The following SFMBT2 variants were observed in gnomAD, a reference collection of about 807,000 sequenced individuals.
SFMBT2 encodes the protein scm-like with four MBT domains protein 2.
SFMBT2 carries 38 observed loss-of-function variants against 110.1 expected under a neutral mutation model. That is an observed-to-expected ratio of 0.35 (90% CI 0.27 to 0.45). The LOEUF (loss-of-function observed/expected upper bound fraction) is 0.45. Among genes scored for constraint, SFMBT2 ranks in the 20% least tolerant of loss-of-function variants. SFMBT2 has a pLI of 1.00. For missense variants in SFMBT2, 1,011 were observed against 1,094.9 expected, an observed-to-expected ratio of 0.92 and a Z score of 1.08; for synonymous variants, 425 against 425.4, an observed-to-expected ratio of 1.00 and a Z score of 0.01.
chr10:7,343,027 A>C (rs1241252447), intron 4 of SFMBT2, among the ~76,000 whole-genome samples: 1 of 152,112 alleles, frequency 6.6e-6, no homozygotes, highest in Non-Finnish European at 1.5e-5. Flanking sequence ...TTTAATCCTT[A>C]CTTTCTTTCC....
chr10:7,348,731 A>T (rs918600024), intron 4 of SFMBT2, among the ~76,000 whole-genome samples: 1 of 152,174 alleles, frequency 6.6e-6, no homozygotes, highest in African/African-American at 2.4e-5. Flanking sequence ...AAGCAGGCAG[A>T]TTTTTTTTAA....
chr10:7,383,010 C>T (rs573038019), intron 1 of SFMBT2, among the ~76,000 whole-genome samples: 1 of 152,250 alleles, frequency 6.6e-6, no homozygotes, highest in South Asian at 2.1e-4. Context: ...TTTAAACCAC[C>T]ACGACCACAT....
Position 7,172,171 on chromosome 10 carries a change from A to C in SFMBT2, c.2152-13T>G, listed in dbSNP as rs1434727185. 6.5e-7 allele frequency: 1 copy of C among 1,533,680 alleles called. No homozygotes were observed. Among genetic ancestry groups the C allele is most frequent in the Non-Finnish European group, 8.8e-7 (1 of 1,139,524 alleles). On this transcript the variant is annotated splice_polypyrimidine_tract_variant and intron_variant, in intron 18 of 20. Transcript: ENST00000397167. This position sits in a 1 kb window ranked among gnomAD's most constrained non-coding sequence, Gnocchi z 4.6. ...CCTCTTCACTTTCCTGGGAAGGAGGAAAAGGCATTTAAGGGGCTGGTGGCC... is the reference window on the plus strand; with the variant it reads ...CCTCTTCACTTTCCTGGGAAGGAGGCAAAGGCATTTAAGGGGCTGGTGGCC...
chr10:7,341,532 A>G (rs1168123395), intron 4 of SFMBT2, among the ~76,000 whole-genome samples: 1 of 152,230 alleles, frequency 6.6e-6, no homozygotes, highest in Non-Finnish European at 1.5e-5. Flanking sequence ...TTGAGGAGAT[A>G]GAAGAAGATA....
At chr10:7,201,063 T>C (rs1416528283) in intron 13 of SFMBT2, 4 of 153,808 alleles carry the variant, frequency 2.6e-5, no homozygotes, top group African/African-American at 4.8e-5. Flanking sequence ...TGTTTTACAA[T>C]GTAGCCTTAG....
intron 1 of SFMBT2, among the ~76,000 whole-genome samples, chr10:7,384,377 G>A (rs1845525096): frequency 6.6e-6 from 1 of 152,074 alleles, no homozygotes; most frequent in African/African-American, 2.4e-5. Flanking sequence ...CTAAATCTAA[G>A]GCAGGTAGTG....
In SFMBT2 at chr10:7,194,236, G is replaced by A. The variant is rs145579443; in HGVS notation, c.1698+3312C>T. On this transcript the variant is annotated intron_variant, in intron 15 of 20. Coordinates refer to ENST00000397167, the MANE Select transcript of SFMBT2 (RefSeq NM_001387889.1). ...TCTCCCAGGTCCCCTACCTCCCCTC[G>A]CTGCACCCCCTCGAATTGAGGCCAG... 1.5e-3 allele frequency among the ~76,000 whole-genome samples: 225 copies of A among 152,174 alleles called. 2 individuals carry two copies. Among genetic ancestry groups the A allele is most frequent in the African/African-American group, 4.6e-3 (190 of 41,490 alleles).
chr10:7,176,044 G>A lies in SFMBT2; in HGVS notation c.1930C>T (p.Leu644=). The part of the protein sequence containing the change: ...ECCPNLFSPV[L]ISENCPENCS... Reference sequence around the variant, plus strand: ...TTCTCTGGGCAGTTTTCAGATATCAGCACAGGACTAAACAAATTTGGACAG... The same window carrying A: ...TTCTCTGGGCAGTTTTCAGATATCAACACAGGACTAAACAAATTTGGACAG... Residue 644 remains leucine, a synonymous_variant, in exon 17 of 21, where the codon CTG becomes TTG. Coordinates refer to ENST00000397167, the MANE Select transcript of SFMBT2 (RefSeq NM_001387889.1). 2 of 1,614,190 alleles carry A rather than the reference G, an allele frequency of 1.2e-6. No individual in the cohort carries two copies. Among genetic ancestry groups the A allele is most frequent in the South Asian group, 1.1e-5 (1 of 91,088 alleles).
At chr10:7,207,261 G>A (rs1839168145) in intron 11 of SFMBT2, among the ~76,000 whole-genome samples, 1 of 151,918 alleles carries the variant, frequency 6.6e-6, no homozygotes. Context: ...TTGGGAGGCT[G>A]AGGTGGGAGG....
chr10:7,186,475 A>ATATATCTATATAT (rs1345076690), intron 16 of SFMBT2, among the ~76,000 whole-genome samples: 1 of 136,590 alleles, frequency 7.3e-6, no homozygotes, highest in African/African-American at 3.0e-5. Flanking sequence ...TATATATATA[A>ATATATCTATATAT]AAATATTTTA....
At chr10:7,235,787 T>C (rs895950694) in intron 9 of SFMBT2, among the ~76,000 whole-genome samples, 6 of 152,176 alleles carry the variant, frequency 3.9e-5, no homozygotes, top group Non-Finnish European at 7.4e-5. Context: ...CTTCAATAAA[T>C]AAACTTGACC....
intron 4 of SFMBT2, chr10:7,329,654 A>G (rs770369135): frequency 3.0e-4 from 85 of 288,098 alleles, no homozygotes; most frequent in Non-Finnish European, 4.1e-4. Context: ...TCTCTGCTCC[A>G]CAATAACCGG....
At chr10:7,393,829 G>C (rs1845847765) in intron 1 of SFMBT2, among the ~76,000 whole-genome samples, 1 of 152,166 alleles carries the variant, frequency 6.6e-6, no homozygotes, top group African/African-American at 2.4e-5. Flanking sequence ...CCCATGAACA[G>C]CAAAACAGAA....
At chr10:7,251,494 A>T (rs1840810143) in intron 7 of SFMBT2, among the ~76,000 whole-genome samples, 1 of 146,688 alleles carries the variant, frequency 6.8e-6, no homozygotes, top group South Asian at 2.1e-4. Context: ...CGTTCCTGTC[A>T]GACAACCATG....
intron 1 of SFMBT2, among the ~76,000 whole-genome samples, chr10:7,401,058 G>A (rs190138666): frequency 3.3e-5 from 5 of 152,166 alleles, no homozygotes; most frequent in South Asian, 2.1e-4. Flanking sequence ...GCTTGAGCCC[G>A]GGAAATGGAG....
At chr10:7,348,325 C>A in intron 4 of SFMBT2, 1 of 1,528,222 alleles carries the variant, frequency 6.5e-7, no homozygotes, top group Non-Finnish European at 8.8e-7. Flanking sequence ...GGCTTGACAT[C>A]ACTCTCTACT....
At chr10:7,238,679 A>T (rs1840337831) in intron 9 of SFMBT2, among the ~76,000 whole-genome samples, 1 of 152,232 alleles carries the variant, frequency 6.6e-6, no homozygotes, top group Non-Finnish European at 1.5e-5. Context: ...GTGCTAACGT[A>T]AGCCAATTAC....
At chr10:7,267,800 A>C (rs1471848041) in intron 7 of SFMBT2, among the ~76,000 whole-genome samples, 1 of 152,130 alleles carries the variant, frequency 6.6e-6, no homozygotes, top group Non-Finnish European at 1.5e-5. Flanking sequence ...CCTTCTTTAA[A>C]GGATAAAAAA....
At chr10:7,338,599 C>A (rs1201515770) in intron 4 of SFMBT2, among the ~76,000 whole-genome samples, 1 of 152,176 alleles carries the variant, frequency 6.6e-6, no homozygotes, top group African/African-American at 2.4e-5. Flanking sequence ...CATCTTCACA[C>A]TACATAGGTG....
Sources: allele counts gnomAD v4.1 joint callset (sites outside exome capture counted in the v4.1 genomes callset), GRCh38; gene constraint gnomAD v4.1.1; non-coding constraint Gnocchi (gnomAD v3.1); transcripts MANE v1.5; gene names NCBI Gene and HGNC (gene_info 2026-07-23, HGNC 2026-07-21).